UNC80: variants seen among roughly 807,000 people sequenced by gnomAD.
The protein encoded by UNC80 is unc-80 subunit of NALCN channel complex.
A neutral mutation model predicts 384.6 loss-of-function variants in UNC80; 164 were observed. The observed-to-expected ratio is 0.43, with a 90% confidence interval of 0.38 to 0.49. The LOEUF (loss-of-function observed/expected upper bound fraction) is 0.49, where lower values mean the gene tolerates loss of function less well. Ranked by LOEUF, UNC80 falls within the 20% of genes least tolerant of loss-of-function variation. The pLI, the probability that UNC80 is intolerant of heterozygous loss-of-function variation, is 0.00. For synonymous variants in UNC80, 1,486 were observed against 1,527.8 expected (o/e 0.97, Z 0.64); for missense variants, 3,330 against 4,143.0 (o/e 0.80, Z 5.39).
chr2:209,838,971 G>A (rs149250940), intron 18 of UNC80, among the ~76,000 whole-genome samples: 13 of 152,188 alleles, frequency 8.5e-5, no homozygotes, highest in Admixed American at 2.0e-4. Context: ...AATATTTAAT[G>A]TTTTTATTAA....
chr2:209,800,737 A>G (rs1289477523), intron 7 of UNC80, among the ~76,000 whole-genome samples: 1 of 152,184 alleles, frequency 6.6e-6, no homozygotes, highest in Non-Finnish European at 1.5e-5. Flanking sequence ...GCTGTGTCCC[A>G]AAGATTCTGG....
chr2:209,852,229 TTCAAGG>T (rs1164883740), intron 22 of UNC80, among the ~76,000 whole-genome samples: 1 of 151,978 alleles, frequency 6.6e-6, no homozygotes, highest in East Asian at 1.9e-4. Context: ...CAGTCTTTGA[TTCAAGG>T]TCAAGGTCAA....
intron 29 of UNC80, among the ~76,000 whole-genome samples, chr2:209,912,320 T>G (rs2124940999): frequency 6.6e-6 from 1 of 152,336 alleles, no homozygotes; most frequent in East Asian, 1.9e-4. Context: ...GATCCCAGTT[T>G]CCTCAAAGGT....
intron 25 of UNC80, 41 bp from the exon 26 acceptor site, chr2:209,888,054 G>A: frequency 1.3e-6 from 2 of 1,548,620 alleles, no homozygotes; most frequent in Admixed American, 2.0e-5. Context: ...TGCAGTGCTG[G>A]GGAGATGCCA....
In UNC80 at chr2:209,969,568, G is replaced by T. The variant is rs907206326; in HGVS notation, c.8007-200G>T. 14 of 596,296 alleles carry T rather than the reference G, an allele frequency of 2.3e-5. No individual in the cohort carries two copies. In the Admixed American group the frequency reaches 4.5e-4, roughly 19 times the overall value. 36.9% of individuals were successfully genotyped at this position (596,296 alleles called of 1,614,324 possible). A position where few individuals can be genotyped will look rare whatever the true frequency, so the allele number is the denominator to read the frequency against. ...TTTTTTCTTCAATAGATTTAGTCGA[G>T]TGGGGCAGGCCTGCCTCTGCTACGT... On this transcript the variant is annotated intron_variant, in intron 52 of 64. Transcript: ENST00000673920.
chr2:209,983,758 G>A (rs951298752), intron 60 of UNC80, among the ~76,000 whole-genome samples: 1 of 152,028 alleles, frequency 6.6e-6, no homozygotes, highest in African/African-American at 2.4e-5. Context: ...TCATTAAGGG[G>A]TCAAGTTGTT....
chr2:209,887,577 G>A (rs1307219427), intron 25 of UNC80, among the ~76,000 whole-genome samples: 11 of 152,146 alleles, frequency 7.2e-5, no homozygotes, highest in African/African-American at 2.7e-4. Context: ...CATCTTTGTG[G>A]GGCTGTTATT....
intron 49 of UNC80, among the ~76,000 whole-genome samples, chr2:209,958,639 TTC>T (rs1416019595): frequency 6.6e-6 from 1 of 152,182 alleles, no homozygotes; most frequent in East Asian, 1.9e-4. Context: ...ATTTAGGGAC[TTC>T]TCTAGGCTCA....
At chr2:209,861,938 A>C (rs1310874582) in intron 22 of UNC80, among the ~76,000 whole-genome samples, 2 of 151,794 alleles carry the variant, frequency 1.3e-5, no homozygotes, top group Non-Finnish European at 2.9e-5. Flanking sequence ...TTCTTTATTA[A>C]TCTAGCTAGT....
intron 61 of UNC80, among the ~76,000 whole-genome samples, chr2:209,989,602 T>C (rs1333091322): frequency 1.3e-5 from 2 of 152,222 alleles, no homozygotes; most frequent in Non-Finnish European, 2.9e-5. Flanking sequence ...GTAGGGACTA[T>C]GGTGGGACTG....
At chr2:209,785,623 T>C (rs1166725763) in intron 4 of UNC80, among the ~76,000 whole-genome samples, 20 of 152,158 alleles carry the variant, frequency 1.3e-4, no homozygotes, top group Non-Finnish European at 2.9e-5. Context: ...AGAAAAAAGA[T>C]GGACTGGACA....
chr2:209,926,757 C>G, intron 35 of UNC80, 86 bp from the exon 36 acceptor site: 1 of 1,484,564 alleles, frequency 6.7e-7, no homozygotes, highest in South Asian at 1.3e-5. Flanking sequence ...GCCTGGGTGA[C>G]AGAGTGAGAC....
At chr2:209,963,441 G>T (rs755610731) in intron 51 of UNC80, among the ~76,000 whole-genome samples, 1 of 152,196 alleles carries the variant, frequency 6.6e-6, no homozygotes, top group Non-Finnish European at 1.5e-5. Flanking sequence ...TTTGTCACAT[G>T]ACCAGGAATT....
At chr2:209,791,404 C>T (rs1170965050) in intron 6 of UNC80, among the ~76,000 whole-genome samples, 2 of 152,086 alleles carry the variant, frequency 1.3e-5, no homozygotes. Context: ...TTGGCACCAC[C>T]TTTGTTAAGT....
In UNC80 at chr2:209,945,882, A is replaced by T. The variant is rs1225906868; in HGVS notation, c.7225A>T (p.Ile2409Phe). 3 of 1,552,038 alleles carry T rather than the reference A, an allele frequency of 1.9e-6. No individual in the cohort carries two copies. The East Asian group carries it at 7.3e-5, about 38-fold the overall frequency. Residue 2409 changes from isoleucine to phenylalanine, a missense_variant, in exon 47 of 65, where the codon ATC (isoleucine) becomes TTC (phenylalanine). By Grantham distance (21) the Ile-to-Phe change is conservative. Transcript: ENST00000673920. ...TGGAAACGAAGATCTGACATTTTCT[A>T]TCAGTGAAGCCATTAAGCTCTGTGT... ...CYGNEDLTFS[I>F]SEAIKLCVTV...
intron 37 of UNC80, 60 bp from the exon 38 acceptor site, chr2:209,930,908 A>G: frequency 1.6e-6 from 2 of 1,266,636 alleles, no homozygotes; most frequent in Middle Eastern, 1.9e-4. Context: ...CAAGAAGTTA[A>G]TTTTATTTTC....
At chr2:209,993,924 C>T (rs1370331965) in intron 63 of UNC80, 141 bp from the exon 64 acceptor site, 30 of 712,800 alleles carry the variant, frequency 4.2e-5, no homozygotes, top group South Asian at 1.6e-4. Flanking sequence ...AATGTTCAAA[C>T]GTGCTCTCAT....
chr2:209,967,366 TG>T lies in UNC80; in HGVS notation c.7806-70del, dbSNP rs901672002. 24 of 1,187,342 alleles carry T rather than the reference TG, an allele frequency of 2.0e-5. No homozygotes were observed. The African/African-American group carries it at 3.8e-4, about 19-fold the overall frequency. The allele number at this position is 1,187,342 out of a possible 1,614,324, so 73.6% of individuals were successfully genotyped here. On this transcript the variant is annotated intron_variant, in intron 51 of 64. Transcript: ENST00000673920. ...GGAAGGGGTGATTAACATGTTGCTG[TG>T]TAAAAAAATTCCTGTTGTGTAATTC...
chr2:209,841,304 GTTGTTT>G (rs1168316377), intron 20 of UNC80, among the ~76,000 whole-genome samples: 1 of 152,042 alleles, frequency 6.6e-6, no homozygotes, highest in African/African-American at 2.4e-5. Context: ...TAAAACCAGG[GTTGTTT>G]TTGTTTTGTT....
Sources: allele counts gnomAD v4.1 joint callset (sites outside exome capture counted in the v4.1 genomes callset), GRCh38; gene constraint gnomAD v4.1.1; transcripts MANE v1.5; gene names NCBI Gene and HGNC (gene_info 2026-07-23, HGNC 2026-07-21).